The following LRP1B variants were observed in gnomAD, a reference collection of about 807,000 sequenced individuals.
LRP1B encodes the protein low-density lipoprotein receptor-related protein 1B.
LRP1B carries 217 observed loss-of-function variants against 556.6 expected under a neutral mutation model. The ratio of observed to expected loss-of-function variants is 0.39; its 90% CI spans 0.35 to 0.44. LRP1B has a LOEUF of 0.44. Among genes scored for constraint, LRP1B ranks in the 20% least tolerant of loss-of-function variants. LRP1B has a pLI of 1.00. For synonymous variants in LRP1B, 2,047 were observed against 1,865.8 expected (o/e 1.10, Z -2.50); for missense variants, 5,053 against 5,620.8 (o/e 0.90, Z 3.23).
intron 6 of LRP1B, among the ~76,000 whole-genome samples, chr2:141,211,610 C>T (rs1682556598): frequency 6.6e-6 from 1 of 151,954 alleles, no homozygotes; most frequent in African/African-American, 2.4e-5. Context: ...GAGCGAGACT[C>T]CATCTCAGAA....
chr2:141,113,511 C>T (rs1215168367), intron 7 of LRP1B, among the ~76,000 whole-genome samples: 1 of 152,088 alleles, frequency 6.6e-6, no homozygotes, highest in Non-Finnish European at 1.5e-5. Flanking sequence ...GTTTGTACAA[C>T]TGCTTAGTTT....
chr2:141,286,754 T>C (rs1685737565), intron 3 of LRP1B: 2 of 442,500 alleles, frequency 4.5e-6, no homozygotes, highest in Non-Finnish European at 9.2e-6. Flanking sequence ...AATTTGTACA[T>C]TGTACATTTG....
At chr2:140,846,893 C>G (rs950306940) in intron 29 of LRP1B, among the ~76,000 whole-genome samples, 1 of 152,116 alleles carries the variant, frequency 6.6e-6, no homozygotes, top group Non-Finnish European at 1.5e-5. Context: ...AAGTTTATCT[C>G]AAGTTTTTCT....
chr2:140,652,053 G>C (rs185141397), intron 41 of LRP1B, among the ~76,000 whole-genome samples: 1 of 151,952 alleles, frequency 6.6e-6, no homozygotes, highest in African/African-American at 2.4e-5. Context: ...AAGTTTAAGA[G>C]ATTTTATAAA....
intron 2 of LRP1B, among the ~76,000 whole-genome samples, chr2:141,747,056 A>ATT (rs1389661725): frequency 6.6e-6 from 1 of 152,186 alleles, no homozygotes; most frequent in Admixed American, 6.5e-5. Context: ...TCTTCCCCTT[A>ATT]TTTGTCCTTG....
intron 43 of LRP1B, among the ~76,000 whole-genome samples, chr2:140,592,823 C>T (rs1682281519): frequency 6.6e-6 from 1 of 151,840 alleles, no homozygotes; most frequent in East Asian, 1.9e-4. Flanking sequence ...GCTTGTAGTC[C>T]CAACTACTTA....
chr2:141,443,333 C>T (rs1312274432), intron 3 of LRP1B, among the ~76,000 whole-genome samples: 1 of 152,136 alleles, frequency 6.6e-6, no homozygotes, highest in Non-Finnish European at 1.5e-5. Flanking sequence ...TATATTAGCA[C>T]TTTGTCAGAT....
intron 7 of LRP1B, among the ~76,000 whole-genome samples, chr2:141,182,536 GT>G (rs112470594): frequency 2.4e-4 from 36 of 149,496 alleles, no homozygotes; most frequent in Admixed American, 4.7e-4. Context: ...CATTTTATTA[GT>G]TTTTTTTTTC....
rs367598177 is a variant in LRP1B, at chr2:140,364,611, C to A, written c.11131+50G>T. 2.2e-5 allele frequency: 35 copies of A among 1,590,874 alleles called. No individual in the cohort carries two copies. The African/African-American group carries it at 4.3e-4, about 20-fold the overall frequency. On this transcript the variant is annotated intron_variant, in intron 72 of 90. Coordinates refer to ENST00000389484, the MANE Select transcript of LRP1B (RefSeq NM_018557.3). ...CCACTTCATTGATTCATGCTGGTGC[C>A]TGAGATCAGAAGATAAAAGTATAAT...
intron 3 of LRP1B, among the ~76,000 whole-genome samples, chr2:141,290,083 T>C (rs1685882370): frequency 6.6e-6 from 1 of 152,162 alleles, no homozygotes. Flanking sequence ...GCTATAAACT[T>C]TCACAGTCTT....
At chr2:140,981,851 C>A (rs1696778870) in intron 18 of LRP1B, among the ~76,000 whole-genome samples, 1 of 152,100 alleles carries the variant, frequency 6.6e-6, no homozygotes, top group South Asian at 2.1e-4. Context: ...CACTACAGAC[C>A]TAAGATTAAT....
At chr2:140,989,790 G>T in intron 16 of LRP1B, 133 bp from the exon 17 acceptor site, 3 of 753,578 alleles carry the variant, frequency 4.0e-6, no homozygotes, top group Non-Finnish European at 4.1e-6. Flanking sequence ...GTCATTCATT[G>T]CCTTATATTT....
At chr2:141,169,508 G>A (rs1680408172) in intron 7 of LRP1B, among the ~76,000 whole-genome samples, 3 of 151,684 alleles carry the variant, frequency 2.0e-5, no homozygotes, top group Admixed American at 6.6e-5. Flanking sequence ...TTGAAGTGAG[G>A]AGAATTACAC....
At chr2:140,599,606 T>C (rs1370228374) in intron 42 of LRP1B, among the ~76,000 whole-genome samples, 1 of 152,136 alleles carries the variant, frequency 6.6e-6, no homozygotes, top group Non-Finnish European at 1.5e-5. Flanking sequence ...CAATTTTCAT[T>C]GTTGGTAATT....
chr2:141,274,460 C>A (rs1213237389), intron 3 of LRP1B, among the ~76,000 whole-genome samples: 1 of 152,084 alleles, frequency 6.6e-6, no homozygotes, highest in Admixed American at 6.6e-5. Context: ...CAGAAGACTA[C>A]ATATTGTATA....
chr2:141,750,235 C>T (rs1694061042), intron 2 of LRP1B, among the ~76,000 whole-genome samples: 1 of 152,106 alleles, frequency 6.6e-6, no homozygotes, highest in Admixed American at 6.6e-5. Context: ...AACTTCTTTT[C>T]TCTAACTTTG....
chr2:142,000,759 A>G (rs942451138), intron 1 of LRP1B, among the ~76,000 whole-genome samples: 1 of 152,196 alleles, frequency 6.6e-6, no homozygotes, highest in Admixed American at 6.6e-5. Context: ...TCATAATTCT[A>G]CTATTATGCC....
rs182725148 is a variant in LRP1B, at chr2:141,045,327, G to A, written c.1789+3659C>T. On this transcript the variant is annotated intron_variant, in intron 11 of 90. Coordinates refer to ENST00000389484, the MANE Select transcript of LRP1B (RefSeq NM_018557.3). ...GGAGATATACCTAATGCTAGATGAC[G>A]AGATAGTGGGTGCAGCGCACCAGCA... 3.8e-3 allele frequency among the ~76,000 whole-genome samples: 573 copies of A among 150,274 alleles called. 6 individuals carry two copies. The highest frequency in any genetic ancestry group is 6.2e-3 in the Non-Finnish European group (420 of 67,600).
chr2:141,756,810 T>TG (rs1240317155), intron 2 of LRP1B, among the ~76,000 whole-genome samples: 13 of 152,138 alleles, frequency 8.5e-5, no homozygotes, highest in Non-Finnish European at 1.6e-4. Context: ...AGGTATGTAG[T>TG]GGGGTATACC....
Sources: gnomAD v4.1 joint callset for allele counts (sites outside exome capture counted in the v4.1 genomes callset) on GRCh38, gnomAD v4.1.1 for gene constraint, MANE v1.5 for transcripts, NCBI Gene and HGNC (gene_info 2026-07-23, HGNC 2026-07-21) for gene names.